Variants in LMX1A observed in about 807,000 individuals in gnomAD.
LMX1A encodes the protein LIM homeobox transcription factor 1-alpha.
LMX1A carries 15 observed loss-of-function variants against 49.1 expected under a neutral mutation model. The ratio of observed to expected loss-of-function variants is 0.31; its 90% CI spans 0.20 to 0.47. The LOEUF (loss-of-function observed/expected upper bound fraction) is 0.47, where lower values mean the gene tolerates loss of function less well. Ranked by LOEUF, LMX1A falls within the 20% of genes least tolerant of loss-of-function variation. The probability of loss-of-function intolerance (pLI) is 1.00; values close to 1 mark genes in which losing one functional copy is unlikely to be tolerated. For synonymous variants in LMX1A, 167 were observed against 185.7 expected, an observed-to-expected ratio of 0.90 and a Z score of 0.82; for missense variants, 372 against 475.8, an observed-to-expected ratio of 0.78 and a Z score of 2.03.
At chr1:165,337,912 A>G (rs1454521781) in intron 3 of LMX1A, among the ~76,000 whole-genome samples, 1 of 25,878 alleles carries the variant, frequency 3.9e-5, no homozygotes, top group African/African-American at 1.7e-4. Flanking sequence ...GTGTGTTACT[A>G]CCCCAGAAAC....
chr1:165,205,554 C>A (rs12128508), intron 8 of LMX1A, among the ~76,000 whole-genome samples: 92,314 of 152,052 alleles, frequency 0.61, 28,595 homozygotes, highest in Non-Finnish European at 0.66. Context: ...TACTGCTGAT[C>A]TCTGGCATGA....
chr1:165,249,620 CCA>C lies in LMX1A; in HGVS notation c.282_283del (p.Cys94TrpfsTer11), dbSNP rs1652984089. On this transcript the variant is annotated frameshift_variant, in exon 4 of 9. Transcript: ENST00000342310. LOFTEE classifies it high-confidence loss of function. Reference sequence around the variant, plus strand: ...GGGAGCGATGGCCTCGAAGCAGCCCCCACATTTAACAGCAAACAGCCTGGCAG... The same window carrying C: ...GGGAGCGATGGCCTCGAAGCAGCCCCCATTTAACAGCAAACAGCCTGGCAG... 6.2e-7 allele frequency: 1 copy of C among 1,613,892 alleles called. No homozygotes were observed. Among genetic ancestry groups the C allele is most frequent in the Non-Finnish European group, 8.5e-7 (1 of 1,179,966 alleles).
At chr1:165,332,451 T>TA (rs1189501271) in intron 3 of LMX1A, among the ~76,000 whole-genome samples, 1 of 152,216 alleles carries the variant, frequency 6.6e-6, no homozygotes, top group Non-Finnish European at 1.5e-5. Flanking sequence ...TTCCTATTTT[T>TA]AACTATTACA....
intron 3 of LMX1A, among the ~76,000 whole-genome samples, chr1:165,322,054 G>A (rs1655402280): frequency 6.6e-6 from 1 of 152,024 alleles, no homozygotes; most frequent in African/African-American, 2.4e-5. Context: ...GCAAACAAAT[G>A]GCTAATAAAC....
At chr1:165,238,220 A>G (rs1469680066) in intron 4 of LMX1A, among the ~76,000 whole-genome samples, 1 of 122,156 alleles carries the variant, frequency 8.2e-6, no homozygotes, top group Non-Finnish European at 2.0e-5. Flanking sequence ...GAAGCACGTT[A>G]GAAGAAGTTT....
intron 3 of LMX1A, among the ~76,000 whole-genome samples, chr1:165,308,258 C>T (rs901587490): frequency 6.6e-6 from 1 of 152,198 alleles, no homozygotes; most frequent in African/African-American, 2.4e-5. Flanking sequence ...CCTCTGAGAA[C>T]CAGATGCCAG....
At chr1:165,212,235 TACGCTGGGCTAAGCCC>T (rs11269295) in intron 5 of LMX1A, among the ~76,000 whole-genome samples, 81,807 of 152,014 alleles carry the variant, frequency 0.54, 22,467 homozygotes, top group East Asian at 0.83. Context: ...CCACTGCACC[TACGCTGGGCTAAGCCC>T]ATGCCTTGCT....
At chr1:165,340,076 C>T (rs1656027283) in intron 3 of LMX1A, among the ~76,000 whole-genome samples, 1 of 152,140 alleles carries the variant, frequency 6.6e-6, no homozygotes, top group African/African-American at 2.4e-5. Context: ...GTATAAAATG[C>T]TGTCCTGTAC....
chr1:165,240,729 A>G (rs74365266), intron 4 of LMX1A, among the ~76,000 whole-genome samples: 14,825 of 152,226 alleles, frequency 0.097, 957 homozygotes, highest in Non-Finnish European at 0.15. Context: ...ATTAACTGTC[A>G]GGTTCAATGT....
chr1:165,329,313 T>A (rs60700032), intron 3 of LMX1A, among the ~76,000 whole-genome samples: 1 of 152,196 alleles, frequency 6.6e-6, no homozygotes, highest in African/African-American at 2.4e-5. Flanking sequence ...GTGGGGATTA[T>A]GGGGATTACA....
chr1:165,317,881 G>A (rs1270707006), intron 3 of LMX1A, among the ~76,000 whole-genome samples: 1 of 152,174 alleles, frequency 6.6e-6, no homozygotes, highest in Non-Finnish European at 1.5e-5. Context: ...TATAAATTCA[G>A]GAAGCAATTA....
At chr1:165,318,760 C>A (rs1248645973) in intron 3 of LMX1A, among the ~76,000 whole-genome samples, 2 of 152,150 alleles carry the variant, frequency 1.3e-5, no homozygotes, top group African/African-American at 4.8e-5. Context: ...CAGCTGCAGT[C>A]TTCCTGTGGC....
Position 165,208,141 on chromosome 1 carries a change from G to T in LMX1A, c.748-9C>A, listed in dbSNP as rs1343971867. 1 of 1,613,710 alleles carries T rather than the reference G, an allele frequency of 6.2e-7. No individual in the cohort carries two copies. The highest frequency in any genetic ancestry group is 8.5e-7 in the Non-Finnish European group (1 of 1,179,866). ...CTGGCCAGCTTCTTCATCTGATAAG[G>T]AGAGGACCATAGGATTAGAAGTCAG... On this transcript the variant is annotated splice_polypyrimidine_tract_variant and intron_variant, in intron 6 of 8. Transcript: ENST00000342310.
In LMX1A at chr1:165,203,632, C is replaced by A. The variant is rs1427018155; in HGVS notation, c.*248G>T. 2 of 355,500 alleles carry A rather than the reference C, an allele frequency of 5.6e-6. No individual in the cohort carries two copies. Among genetic ancestry groups the A allele is most frequent in the Non-Finnish European group, 1.0e-5 (2 of 193,106 alleles). 22.0% of individuals were successfully genotyped at this position (355,500 alleles called of 1,614,324 possible). On this transcript the variant is annotated 3_prime_UTR_variant, in exon 9 of 9. Coordinates refer to ENST00000342310, the MANE Select transcript of LMX1A (RefSeq NM_177398.4). The stretch of plus-strand genomic sequence containing the variant: ...GAATGTCTATATTAAAAGTCTCTGT[C>A]CTTAATGATAAACACGTCTTCATAT...
chr1:165,315,392 C>G (rs1276356700), intron 3 of LMX1A, among the ~76,000 whole-genome samples: 1 of 152,180 alleles, frequency 6.6e-6, no homozygotes, highest in Non-Finnish European at 1.5e-5. Context: ...TGGTTTAAAG[C>G]CCCCCAGGCC....
intron 3 of LMX1A, among the ~76,000 whole-genome samples, chr1:165,307,243 G>A (rs550481563): frequency 2.8e-4 from 43 of 152,264 alleles, no homozygotes; most frequent in African/African-American, 9.1e-4. Flanking sequence ...AAGTGGGAGC[G>A]CAACTACAAC....
At position 165,203,652 on chromosome 1, in the gene LMX1A, T is replaced by C. The variant is rs915515873; in HGVS notation, c.*228A>G. On this transcript the variant is annotated 3_prime_UTR_variant, in exon 9 of 9. Transcript: ENST00000342310. ...TCTGTCCTTAATGATAAACACGTCTTCATATCTAATGCTAAGACTCTTATT... is the reference window on the plus strand; with the variant it reads ...TCTGTCCTTAATGATAAACACGTCTCCATATCTAATGCTAAGACTCTTATT... The C allele has an allele frequency of 2.4e-6, 1 of 410,496 alleles. No individual in the cohort carries two copies. Among genetic ancestry groups the C allele is most frequent in the Non-Finnish European group, 4.4e-6 (1 of 226,674 alleles). The allele number at this position is 410,496 out of a possible 1,614,324, so 25.4% of individuals were successfully genotyped here. A position where few individuals can be genotyped will look rare whatever the true frequency, so the allele number is the denominator to read the frequency against.
chr1:165,295,776 G>T (rs752989203), intron 3 of LMX1A, among the ~76,000 whole-genome samples: 14 of 152,104 alleles, frequency 9.2e-5, no homozygotes, highest in Non-Finnish European at 1.8e-4. Context: ...CAACTGGCAG[G>T]TCTCAGTCAC....
intron 3 of LMX1A, among the ~76,000 whole-genome samples, chr1:165,311,091 G>A (rs1402353109): frequency 6.6e-6 from 1 of 152,136 alleles, no homozygotes; most frequent in African/African-American, 2.4e-5. Context: ...ATGGAATTCC[G>A]AGAACTAAGT....
Sources: allele counts gnomAD v4.1 joint callset (sites outside exome capture counted in the v4.1 genomes callset), GRCh38; gene constraint gnomAD v4.1.1; transcripts MANE v1.5; gene names NCBI Gene and HGNC (gene_info 2026-07-23, HGNC 2026-07-21).